The following CASR variants were observed in gnomAD, a reference collection of about 807,000 sequenced individuals.
CASR encodes extracellular calcium-sensing receptor.
A neutral mutation model predicts 69.1 loss-of-function variants in CASR; 23 were observed. That is an observed-to-expected ratio of 0.33 (90% CI 0.24 to 0.47). The LOEUF (loss-of-function observed/expected upper bound fraction) is 0.47, where lower values mean the gene tolerates loss of function less well. CASR is among the 20% of genes least tolerant of loss of function. The pLI is 1.00. For missense variants in CASR, 924 were observed against 1,356.1 expected, an observed-to-expected ratio of 0.68 and a Z score of 5.00; for synonymous variants, 541 against 544.7, an observed-to-expected ratio of 0.99 and a Z score of 0.10.
At chr3:122,218,417 C>T (rs1260633480) in intron 1 of CASR, among the ~76,000 whole-genome samples, 2 of 151,772 alleles carry the variant, frequency 1.3e-5, no homozygotes, top group African/African-American at 4.8e-5. Context: ...GCCTGTAGTC[C>T]CAGCTACTCG....
intron 1 of CASR, among the ~76,000 whole-genome samples, chr3:122,233,692 G>T (rs867082002): frequency 2.0e-5 from 3 of 152,222 alleles, no homozygotes; most frequent in East Asian, 1.9e-4. Context: ...CTACTTGGGC[G>T]GTTGTGGTAT....
chr3:122,246,502 G>A (rs2074428956), intron 1 of CASR: 1 of 152,224 alleles, frequency 6.6e-6, no homozygotes, highest in African/African-American at 2.4e-5. Context: ...GAAGGAAACA[G>A]GAGAAGAGAG....
chr3:122,231,167 A>G (rs2074274737), intron 1 of CASR, among the ~76,000 whole-genome samples: 1 of 152,222 alleles, frequency 6.6e-6, no homozygotes, highest in Non-Finnish European at 1.5e-5. Context: ...CCATGCAGAC[A>G]GGATGCTAAC....
chr3:122,281,172 GTTTA>G (rs939088634), intron 5 of CASR, among the ~76,000 whole-genome samples: 2 of 152,152 alleles, frequency 1.3e-5, no homozygotes, highest in Admixed American at 6.5e-5. Context: ...GAAGGGTTTT[GTTTA>G]TTTGTTTTGT....
At chr3:122,248,169 C>T (rs2074446302) in intron 1 of CASR, among the ~76,000 whole-genome samples, 1 of 152,164 alleles carries the variant, frequency 6.6e-6, no homozygotes, top group Non-Finnish European at 1.5e-5. Flanking sequence ...TTTAAAACAA[C>T]ATGTGCCTTG....
chr3:122,282,120 T>A lies in CASR; in HGVS notation c.1616T>A (p.Phe539Tyr). 3 of 1,614,174 alleles carry A rather than the reference T, an allele frequency of 1.9e-6. No homozygotes were observed. The highest frequency in any genetic ancestry group is 2.5e-6 in the Non-Finnish European group (3 of 1,180,030). ...GTGCTGTCTGTCCTCCAGGTGCCCT[T>A]CTCCAACTGCAGCCGAGACTGCCTG... ...LWSGFSREVP[F>Y]SNCSRDCLAG... Residue 539 changes from phenylalanine to tyrosine, a missense_variant, in exon 6 of 7, where the codon TTC becomes TAC. Phe to Tyr is a conservative substitution (Grantham distance 22). Around this residue, in one of 8 missense-constraint regions of CASR, gnomAD observed 310 missense variants for 395.7 expected, o/e 0.78. Transcript: ENST00000639785.
chr3:122,227,177 C>G (rs1419435065), intron 1 of CASR, among the ~76,000 whole-genome samples: 1 of 152,276 alleles, frequency 6.6e-6, no homozygotes, highest in Non-Finnish European at 1.5e-5. Context: ...ACCGGGACCA[C>G]AGGTGGAGCT....
At chr3:122,184,915 A>G (rs1225744134) in intron 1 of CASR, among the ~76,000 whole-genome samples, 1 of 152,160 alleles carries the variant, frequency 6.6e-6, no homozygotes, top group Non-Finnish European at 1.5e-5. Flanking sequence ...GTGTATGAAT[A>G]TGGAGGGGAG....
chr3:122,281,713 G>A (rs1421376350), intron 5 of CASR, among the ~76,000 whole-genome samples: 1 of 152,084 alleles, frequency 6.6e-6, no homozygotes, highest in Non-Finnish European at 1.5e-5. Context: ...GCACTCCTGA[G>A]CATAAACCCA....
chr3:122,278,024 A>G (rs968338397), intron 5 of CASR, among the ~76,000 whole-genome samples: 5 of 152,196 alleles, frequency 3.3e-5, no homozygotes, highest in Admixed American at 3.3e-4. Context: ...GATCTACTCT[A>G]TTATTTTCTG....
At chr3:122,192,364 A>G (rs756272405) in intron 1 of CASR, among the ~76,000 whole-genome samples, 2 of 152,238 alleles carry the variant, frequency 1.3e-5, no homozygotes, top group Admixed American at 1.3e-4. Context: ...AAATGGGTTC[A>G]TACAGGTCTA....
chr3:122,270,094 G>A (rs940104472), intron 4 of CASR, among the ~76,000 whole-genome samples: 28 of 151,946 alleles, frequency 1.8e-4, no homozygotes, highest in Non-Finnish European at 8.8e-5. Context: ...CACCCACCTC[G>A]GCTTCCCAAA....
chr3:122,221,303 A>C (rs1417587901), intron 1 of CASR, among the ~76,000 whole-genome samples: 5 of 152,104 alleles, frequency 3.3e-5, no homozygotes, highest in Non-Finnish European at 7.4e-5. Flanking sequence ...TCCTTGGAGA[A>C]CCATCAATGC....
At chr3:122,274,167 C>T (rs1043482767) in intron 4 of CASR, among the ~76,000 whole-genome samples, 3 of 152,148 alleles carry the variant, frequency 2.0e-5, no homozygotes, top group Admixed American at 2.0e-4. Context: ...AGTGAGGGAT[C>T]CCTCTCCTTC....
rs758631679 is a variant in CASR, at chr3:122,284,582, C to G, written c.2628C>G (p.Thr876=). 6.2e-7 allele frequency: 1 copy of G among 1,614,160 alleles called. No individual in the cohort carries two copies. The highest frequency in any genetic ancestry group is 8.5e-7 in the Non-Finnish European group (1 of 1,180,026). Residue 876 remains threonine (T), a synonymous_variant, in exon 7 of 7, where the codon ACC becomes ACG. Coordinates refer to ENST00000639785, the MANE Select transcript of CASR (RefSeq NM_000388.4). The stretch of plus-strand genomic sequence containing the variant: ...CCATCGAGGAGGTGCGTTGCAGCAC[C>G]GCAGCTCACGCTTTCAAGGTGGCTG... ...RNTIEEVRCS[T]AAHAFKVAAR... is the part of the protein sequence containing the mutation.
chr3:122,238,306 A>C (rs1316774569), intron 1 of CASR, among the ~76,000 whole-genome samples: 1 of 152,178 alleles, frequency 6.6e-6, no homozygotes, highest in Non-Finnish European at 1.5e-5. Context: ...GACCTGTCAC[A>C]GCAGAGAGAA....
intron 1 of CASR, among the ~76,000 whole-genome samples, chr3:122,243,352 A>G (rs984560956): frequency 3.9e-5 from 6 of 152,166 alleles, no homozygotes; most frequent in African/African-American, 1.4e-4. Context: ...TCCGATTTAA[A>G]ATGGGTAAAA....
rs2075011984 is a variant in CASR, at chr3:122,291,546, T to G, written c.*6355T>G. The stretch of plus-strand genomic sequence containing the variant: ...CTAATGGATAATTGTTTCTGCTTCT[T>G]TAGGATTTTCTAAATTTTTCCCAAG... On this transcript the variant is annotated 3_prime_UTR_variant, in exon 7 of 7. Transcript: ENST00000639785. 6.6e-6 allele frequency: 1 copy of G among 152,228 alleles called. No individual in the cohort carries two copies. The highest frequency in any genetic ancestry group is 2.4e-5 in the African/African-American group (1 of 41,448). 9.4% of individuals were successfully genotyped at this position (152,228 alleles called of 1,614,324 possible).
intron 4 of CASR, among the ~76,000 whole-genome samples, chr3:122,268,610 A>G (rs553867316): frequency 2.9e-4 from 44 of 152,368 alleles, no homozygotes; most frequent in African/African-American, 9.6e-4. Context: ...ACAGCCAACC[A>G]GGTTGGAGTC....
Sources: allele counts gnomAD v4.1 joint callset (sites outside exome capture counted in the v4.1 genomes callset), GRCh38; gene constraint gnomAD v4.1.1; regional missense constraint gnomAD v4.1.1; transcripts MANE v1.5; gene names NCBI Gene and HGNC (gene_info 2026-07-23, HGNC 2026-07-21).